ADAP1: variants seen among roughly 807,000 people sequenced by gnomAD.
ADAP1 encodes the protein arf-GAP with dual PH domain-containing protein 1.
Under a neutral mutation model 54.9 loss-of-function variants are expected in ADAP1, and 31 were observed. The observed-to-expected ratio is 0.56, with a 90% CI of 0.42 to 0.76. The LOEUF (loss-of-function observed/expected upper bound fraction) is 0.76. Ranked by LOEUF, ADAP1 falls within the 30% of genes least tolerant of loss-of-function variation. The probability of loss-of-function intolerance (pLI) is 0.00; values close to 1 mark genes in which losing one functional copy is unlikely to be tolerated. For synonymous variants in ADAP1, 313 were observed against 202.6 expected, an observed-to-expected ratio of 1.55 and a Z score of -4.63; for missense variants, 535 against 512.4, an observed-to-expected ratio of 1.04 and a Z score of -0.42.
At chr7:954,864 C>G (rs1177813110), upstream of ADAP1, among the ~76,000 whole-genome samples, 1 of 151,842 alleles carries the variant, frequency 6.6e-6, no homozygotes, top group African/African-American at 2.4e-5. Context: ...AGCGTCCCAC[C>G]TGCCTGGGCG....
intron 2 of ADAP1, 138 bp downstream of exon 2, chr7:935,237 G>T: frequency 7.9e-7 from 1 of 1,266,034 alleles, no homozygotes; most frequent in Non-Finnish European, 1.1e-6. Context: ...GGGGTCCTCG[G>T]GTCCAGCCAG....
At position 904,228 on chromosome 7, in the gene ADAP1, G is replaced by T. The variant is rs553173230; in HGVS notation, c.546C>A (p.Ala182=). The part of the protein sequence containing the change: ...KAVMKIEHLN[A]TFQPAKIGHP... ...GGCCGATCTTGGCCGGCTGGAAGGT[G>T]GCGTTCAGGTGCTCGATCTTCATCA... Residue 182 remains alanine, a synonymous_variant, in exon 6 of 11, where the codon GCC becomes GCA. Coordinates refer to ENST00000265846, the MANE Select transcript of ADAP1 (RefSeq NM_006869.4). 51 of 1,610,318 alleles carry T rather than the reference G, an allele frequency of 3.2e-5. 1 individual carries two copies. In the Admixed American group the frequency reaches 5.0e-4, roughly 16 times the overall value.
At chr7:955,386 G>A (rs1187467707), upstream of ADAP1, 15 of 1,550,108 alleles carry the variant, frequency 9.7e-6, no homozygotes, top group African/African-American at 9.6e-5. Context: ...CAGTACACCC[G>A]GCTGAAAACA....
chr7:932,183 C>G (rs1212205616), intron 2 of ADAP1, among the ~76,000 whole-genome samples: 4 of 152,300 alleles, frequency 2.6e-5, no homozygotes, highest in African/African-American at 7.2e-5. Flanking sequence ...CAGCTCAGTG[C>G]TCTCCCAAAG....
chr7:906,744 CATAG>C (rs1845449640), intron 4 of ADAP1, among the ~76,000 whole-genome samples: 2 of 23,242 alleles, frequency 8.6e-5, no homozygotes, highest in African/African-American at 3.9e-4. Context: ...GGACAGAGTA[CATAG>C]GGGACATGGA....
intron 2 of ADAP1, among the ~76,000 whole-genome samples, chr7:931,504 T>A (rs1057053742): frequency 2.0e-5 from 3 of 151,978 alleles, no homozygotes; most frequent in Non-Finnish European, 1.5e-5. Context: ...CGATCCCGTT[T>A]TTAAAAGTCC....
At chr7:910,910 G>A (rs1442109770) in intron 4 of ADAP1, among the ~76,000 whole-genome samples, 2 of 152,296 alleles carry the variant, frequency 1.3e-5, no homozygotes, top group East Asian at 1.9e-4. Flanking sequence ...TCCCTCAGGA[G>A]GCAAACACCG....
At chr7:951,589 G>A (rs1847273050) in intron 1 of ADAP1, among the ~76,000 whole-genome samples, 1 of 151,576 alleles carries the variant, frequency 6.6e-6, no homozygotes, top group Admixed American at 6.6e-5. Context: ...AAAAAAATTA[G>A]CTGGGCATGG....
chr7:912,419 TA>T, intron 4 of ADAP1, among the ~76,000 whole-genome samples: 1 of 152,122 alleles, frequency 6.6e-6, no homozygotes, highest in East Asian at 1.9e-4. Flanking sequence ...GACACAAGGA[TA>T]AACCCCCACA....
At position 900,181 on chromosome 7, in the gene ADAP1, C is replaced by T. The variant is rs767740063; in HGVS notation, c.733-17G>A. The T allele has an allele frequency of 1.4e-5, 22 of 1,612,804 alleles. No homozygotes were observed. The highest frequency in any genetic ancestry group is 1.6e-4 in the Middle Eastern group (1 of 6,084). On this transcript the variant is annotated splice_polypyrimidine_tract_variant and intron_variant, in intron 7 of 10. Transcript: ENST00000265846. ...TGGCACCAGCTAGGGCAGGACACAC[C>T]AGGCAGGGGACCTCAGAAGTGCAGC...
chr7:911,313 A>C (rs1737321994), intron 4 of ADAP1, among the ~76,000 whole-genome samples: 1 of 151,842 alleles, frequency 6.6e-6, no homozygotes, highest in Admixed American at 6.6e-5. Context: ...CCCCCCACTC[A>C]CACACGGGTT....
chr7:915,781 G>A (rs1382889097), intron 4 of ADAP1, among the ~76,000 whole-genome samples: 1 of 152,120 alleles, frequency 6.6e-6, no homozygotes, highest in African/African-American at 2.4e-5. Flanking sequence ...TGAGCCCAAT[G>A]ACACCCATAT....
At chr7:955,260 G>A (rs1312697500), upstream of ADAP1, 5 of 1,542,038 alleles carry the variant, frequency 3.2e-6, no homozygotes, top group Non-Finnish European at 3.5e-6. Context: ...CATGGGGGCT[G>A]ACAGGTAACA....
intron 2 of ADAP1, among the ~76,000 whole-genome samples, chr7:932,448 G>A (rs576795720): frequency 4.6e-5 from 7 of 152,106 alleles, no homozygotes; most frequent in Admixed American, 6.5e-5. Flanking sequence ...TCTTCTCCCC[G>A]AGCCAAGGAG....
In ADAP1 at chr7:904,230, C is replaced by T. The variant is rs1304918722; in HGVS notation, c.544G>A (p.Ala182Thr). The T allele has an allele frequency of 1.1e-5, 18 of 1,609,324 alleles. No individual in the cohort carries two copies. The highest frequency in any genetic ancestry group is 2.7e-5 in the African/African-American group (2 of 74,784). The part of the protein sequence containing the change: ...KAVMKIEHLN[A>T]TFQPAKIGHP... ...CCGATCTTGGCCGGCTGGAAGGTGG[C>T]GTTCAGGTGCTCGATCTTCATCACG... Residue 182 changes from alanine to threonine, a missense_variant, in exon 6 of 11, where the codon GCC becomes ACC. Physicochemically the swap from Ala to Thr is moderately conservative, Grantham distance 58 (BLOSUM62 0). Transcript: ENST00000265846.
intron 4 of ADAP1, among the ~76,000 whole-genome samples, chr7:908,979 C>A: frequency 6.6e-6 from 1 of 152,142 alleles, no homozygotes; most frequent in Non-Finnish European, 1.5e-5. Context: ...GGTGGGGACG[C>A]GCCCCTGCCA....
intron 1 of ADAP1, among the ~76,000 whole-genome samples, chr7:937,816 G>T (rs1846826296): frequency 6.6e-6 from 1 of 152,110 alleles, no homozygotes; most frequent in South Asian, 2.1e-4. Flanking sequence ...GGATTTGGGG[G>T]TTTTCTGTCA....
chr7:931,543 G>A lies in ADAP1; in HGVS notation c.213+3832C>T, dbSNP rs545422093. On this transcript the variant is annotated intron_variant, in intron 2 of 10. Transcript: ENST00000265846. ...ACCCACAAATCTACACAGAGAGAAA[G>A]TGGATTTGCAGCTGCTTTGGGCTGG... Among the ~76,000 whole-genome samples the A allele has an allele frequency of 4.6e-3, 707 of 152,272 alleles. 5 individuals carry two copies. Among genetic ancestry groups the A allele is most frequent in the Middle Eastern group, 0.021 (6 of 292 alleles).
rs1845213980 is a variant in ADAP1, at chr7:905,745, AAGGGAGAAGGGAG to A, written c.389-586_389-574del. The A allele has an allele frequency of 7.1e-5, 4 of 56,030 alleles. 1 individual carries two copies. The highest frequency in any genetic ancestry group is 3.0e-4 in the African/African-American group (4 of 13,462). 3.5% of individuals were successfully genotyped at this position (56,030 alleles called of 1,614,324 possible). On this transcript the variant is annotated intron_variant, in intron 4 of 10. Coordinates refer to ENST00000265846, the MANE Select transcript of ADAP1 (RefSeq NM_006869.4). The stretch of plus-strand genomic sequence containing the variant: ...AAGGGAAAGGAGAAAGGGAAAGGAG[AAGGGAGAAGGGAG>A]AAGGGAGAAAGGAGAAAGGAGAAAG...
Sources: gnomAD v4.1 joint callset for allele counts (sites outside exome capture counted in the v4.1 genomes callset) on GRCh38, gnomAD v4.1.1 for gene constraint, MANE v1.5 for transcripts, NCBI Gene and HGNC (gene_info 2026-07-23, HGNC 2026-07-21) for gene names.